The following HECW2 variants were observed in gnomAD, a reference collection of about 807,000 sequenced individuals.
The protein encoded by HECW2 is E3 ubiquitin-protein ligase HECW2.
Under a neutral mutation model 175.2 loss-of-function variants are expected in HECW2, and 61 were observed. The observed-to-expected ratio is 0.35, with a 90% CI of 0.28 to 0.43. The LOEUF (loss-of-function observed/expected upper bound fraction) is 0.43, where lower values mean the gene tolerates loss of function less well. Among genes scored for constraint, HECW2 ranks in the 20% least tolerant of loss-of-function variants. The pLI, the probability that HECW2 is intolerant of heterozygous loss-of-function variation, is 1.00. For missense variants in HECW2, 1,524 were observed against 2,000.5 expected (o/e 0.76, Z 4.54); for synonymous variants, 671 against 731.0 (o/e 0.92, Z 1.32).
At chr2:196,564,074 G>A (rs753044196) in intron 1 of HECW2, among the ~76,000 whole-genome samples, 19 of 152,180 alleles carry the variant, frequency 1.2e-4, no homozygotes, top group Non-Finnish European at 1.9e-4. Flanking sequence ...ACAATCACCA[G>A]TAGCAGACAT....
chr2:196,402,575 TGTGA>T (rs771109882), intron 2 of HECW2, among the ~76,000 whole-genome samples: 9 of 152,176 alleles, frequency 5.9e-5, no homozygotes, highest in African/African-American at 1.4e-4. Flanking sequence ...TTTTTGTCAG[TGTGA>T]GTGATACAGC....
At chr2:196,238,544 T>C (rs1457131902) in intron 21 of HECW2, 1 of 152,152 alleles carries the variant, frequency 6.6e-6, no homozygotes, top group East Asian at 1.9e-4. Context: ...GGTACCTCAA[T>C]AGCAAATTAA....
chr2:196,555,989 A>C (rs1689779320), intron 1 of HECW2, among the ~76,000 whole-genome samples: 1 of 152,172 alleles, frequency 6.6e-6, no homozygotes, highest in Admixed American at 6.5e-5. Flanking sequence ...TCTTCCATCA[A>C]GGCCACTTCC....
At chr2:196,492,003 A>C (rs1206423791) in intron 1 of HECW2, among the ~76,000 whole-genome samples, 1 of 152,212 alleles carries the variant, frequency 6.6e-6, no homozygotes, top group East Asian at 1.9e-4. Context: ...TTTTTTTCAA[A>C]TAAGTAAGTT....
intron 2 of HECW2, among the ~76,000 whole-genome samples, chr2:196,405,578 A>G (rs1388703565): frequency 1.3e-5 from 2 of 152,088 alleles, no homozygotes; most frequent in African/African-American, 4.8e-5. Context: ...CCCCCATCTT[A>G]TGCTCTAAAT....
At chr2:196,374,256 T>C (rs1005237107) in intron 2 of HECW2, among the ~76,000 whole-genome samples, 2 of 152,108 alleles carry the variant, frequency 1.3e-5, no homozygotes, top group Non-Finnish European at 2.9e-5. Context: ...GTTCATGAGA[T>C]AATAAGTGGA....
At chr2:196,317,002 C>T (rs1325686577) in intron 10 of HECW2, 2 of 389,224 alleles carry the variant, frequency 5.1e-6, no homozygotes, top group East Asian at 8.1e-5. Flanking sequence ...ATTATGCACC[C>T]AATTTCCCAA....
intron 2 of HECW2, among the ~76,000 whole-genome samples, chr2:196,374,173 G>A (rs1280300912): frequency 6.6e-6 from 1 of 152,062 alleles, no homozygotes; most frequent in Non-Finnish European, 1.5e-5. Flanking sequence ...GTAAATTGTG[G>A]TACAGTCATA....
At chr2:196,367,074 C>G (rs1187629512) in intron 2 of HECW2, among the ~76,000 whole-genome samples, 1 of 152,014 alleles carries the variant, frequency 6.6e-6, no homozygotes, top group Non-Finnish European at 1.5e-5. Context: ...AATAATATAC[C>G]CTGGAGATGC....
rs550271438 is a variant in HECW2, at chr2:196,538,503, C to T, written c.-36+55005G>A. The stretch of plus-strand genomic sequence containing the variant: ...AGAGAGGTTTTGGGAAAGTTCTTTA[C>T]ACTCCTGTCCCACAGTACATTTTTG... On this transcript the variant is annotated intron_variant, in intron 1 of 28. Coordinates refer to ENST00000644978, the MANE Select transcript of HECW2 (RefSeq NM_001348768.2). Among the ~76,000 whole-genome samples, 3 of 152,282 alleles carry T rather than the reference C, an allele frequency of 2.0e-5. No homozygotes were observed. In the South Asian group the frequency reaches 6.2e-4, roughly 32 times the overall value.
intron 10 of HECW2, among the ~76,000 whole-genome samples, chr2:196,311,278 A>G (rs181823670): frequency 1.3e-5 from 2 of 152,360 alleles, no homozygotes; most frequent in East Asian, 3.9e-4. Context: ...ATAAAAATGC[A>G]GATTCCTATG....
chr2:196,266,484 T>C (rs1689523683), intron 17 of HECW2, among the ~76,000 whole-genome samples: 1 of 152,236 alleles, frequency 6.6e-6, no homozygotes. Flanking sequence ...TTTGCCATGT[T>C]GGTCCAGACA....
At chr2:196,386,473 A>C (rs1411730202) in intron 2 of HECW2, among the ~76,000 whole-genome samples, 1 of 152,182 alleles carries the variant, frequency 6.6e-6, no homozygotes, top group Admixed American at 6.5e-5. Context: ...AAAGAGATAA[A>C]AGGAGTGCAG....
rs1346127417 is a variant in HECW2 at position 196,201,190 on chromosome 2, C to G, written c.*87G>C. ...ATAGCTTTATCCTAAAGGAAGCATC[C>G]TCTTGAAACTTCCAATGTTCAATCA... On this transcript the variant is annotated 3_prime_UTR_variant, in exon 29 of 29. Coordinates refer to ENST00000644978, the MANE Select transcript of HECW2 (RefSeq NM_001348768.2). The G allele has an allele frequency of 1.1e-6, 1 of 878,284 alleles. No homozygotes were observed. Among genetic ancestry groups the G allele is most frequent in the East Asian group, 2.4e-5 (1 of 41,178 alleles). The allele number at this position is 878,284 out of a possible 1,614,324, so 54.4% of individuals were successfully genotyped here.
intron 17 of HECW2, among the ~76,000 whole-genome samples, chr2:196,262,021 A>AT (rs67123135): frequency 0.99 from 150,134 of 152,338 alleles, 74,021 homozygotes; most frequent in East Asian, 1. Context: ...ATTCAAGTTT[A>AT]TAATGTATAC....
chr2:196,290,386 G>A (rs569826989), intron 14 of HECW2: 1 of 152,114 alleles, frequency 6.6e-6, no homozygotes, highest in Non-Finnish European at 1.5e-5. Flanking sequence ...CTTTTTTCAA[G>A]GTTCAGGGGT....
chr2:196,359,928 C>T (rs1693525875), intron 2 of HECW2, among the ~76,000 whole-genome samples: 1 of 152,070 alleles, frequency 6.6e-6, no homozygotes, highest in Non-Finnish European at 1.5e-5. Flanking sequence ...CACAGCAAAC[C>T]CTGCCTCTAC....
rs771649368 is a variant in HECW2 at position 196,318,593 on chromosome 2, G to A, written c.2297C>T (p.Thr766Ile). 3.2e-6 allele frequency: 5 copies of A among 1,539,030 alleles called. No homozygotes were observed. Among genetic ancestry groups the A allele is most frequent in the Non-Finnish European group, 4.4e-6 (5 of 1,143,618 alleles). The change falls in exon 9 of 29, where the codon ACC becomes ATC. Residue 766 changes from threonine (T) to isoleucine (I), a missense_variant. Physicochemically the swap from Thr to Ile is moderately conservative, Grantham distance 89. This residue lies in a region of HECW2 where 604 missense variants were observed against 588.3 expected (regional missense o/e 1.03). Transcript: ENST00000644978. ...CTCCTGGGCAGTTGCCCCTTCACAG[G>A]TGCCTTGGGCCTCCCCAGCACTGCC... ...EEGSAGEAQGTCEGATAQEEG... is the reference protein window; with the variant it reads ...EEGSAGEAQGICEGATAQEEG...
intron 2 of HECW2, among the ~76,000 whole-genome samples, chr2:196,429,265 T>C (rs1011541193): frequency 6.6e-6 from 1 of 152,086 alleles, no homozygotes; most frequent in South Asian, 2.1e-4. Flanking sequence ...TGCCCTGAGA[T>C]TAAGGACTTA....
Sources: allele counts gnomAD v4.1 joint callset (sites outside exome capture counted in the v4.1 genomes callset), GRCh38; gene constraint gnomAD v4.1.1; regional missense constraint gnomAD v4.1.1; transcripts MANE v1.5; gene names NCBI Gene and HGNC (gene_info 2026-07-23, HGNC 2026-07-21).